INTS11: variants seen among roughly 807,000 people sequenced by gnomAD.
INTS11 encodes CPSF3-like protein.
INTS11 carries 77 observed loss-of-function variants against 78.6 expected under a neutral mutation model. That is an observed-to-expected ratio of 0.98 (90% CI 0.81 to 1.18). INTS11 has a LOEUF of 1.18. Among genes scored for constraint, INTS11 ranks in the 50% most tolerant of loss-of-function variants. The pLI, the probability that INTS11 is intolerant of heterozygous loss-of-function variation, is 0.00. For synonymous variants in INTS11, 441 were observed against 326.9 expected (o/e 1.35, Z -3.77); for missense variants, 875 against 825.9 (o/e 1.06, Z -0.73).
At chr1:1,320,860 C>T (rs2100629509) in intron 2 of INTS11, 136 bp downstream of exon 2, 1 of 871,606 alleles carries the variant, frequency 1.1e-6, no homozygotes, top group Middle Eastern at 2.1e-4. Context: ...CCACCCATCC[C>T]TGCTCCCCAC....
At position 1,312,213 on chromosome 1, in the gene INTS11, G is replaced by GCCCGGCGCCCCCCCCCCCCC; in HGVS notation, c.1607+12_1607+13insGGGGGGGGGGGGGCGCCGGG. ...CCCAAGGGAGTGGGGGGGGGGCGGG[G>GCCCGGCGCCCCCCCCCCCCC]CCGGGCGCCCACCTCTTGAGGTGGC... is the stretch of plus-strand genomic sequence containing the variant. On this transcript the variant is annotated intron_variant, in intron 15 of 16. Transcript: ENST00000435064. 1.1e-6 allele frequency: 1 copy of GCCCGGCGCCCCCCCCCCCCC among 934,630 alleles called. No individual in the cohort carries two copies. The highest frequency in any genetic ancestry group is 1.6e-6 in the Non-Finnish European group (1 of 636,678). 57.9% of individuals were successfully genotyped at this position (934,630 alleles called of 1,614,324 possible).
chr1:1,313,198 C>T (rs548248819), intron 10 of INTS11, 74 bp from the exon 11 acceptor site: 24 of 1,483,016 alleles, frequency 1.6e-5, no homozygotes, highest in African/African-American at 4.2e-5. Flanking sequence ...GGGATGCCCC[C>T]GCCTGAACCC....
In INTS11 at chr1:1,318,761, A is replaced by C. The variant is rs552908574; in HGVS notation, c.429+535T>G. ...ATACATAGGTACCTAATATAGTTTC[A>C]AGAAATATAAAAGCAATACCCAGAG... On this transcript the variant is annotated intron_variant, in intron 4 of 16. Coordinates refer to ENST00000435064, the MANE Select transcript of INTS11 (RefSeq NM_017871.6). 13 of 527,498 alleles carry C rather than the reference A, an allele frequency of 2.5e-5. No homozygotes were observed. In the South Asian group the frequency reaches 3.7e-4, roughly 15 times the overall value. The allele number at this position is 527,498 out of a possible 1,614,324, so 32.7% of individuals were successfully genotyped here.
intron 3 of INTS11, chr1:1,320,011 G>C (rs999830280): frequency 2.2e-4 from 26 of 116,864 alleles, no homozygotes; most frequent in Non-Finnish European, 8.4e-5. Flanking sequence ...CAGGCTTCAC[G>C]GGCCTGGCTG....
rs1183374575 is a variant in INTS11 at position 1,324,565 on chromosome 1, G to A, written c.28+16C>T. 1.3e-6 allele frequency: 2 copies of A among 1,590,046 alleles called. No homozygotes were observed. The highest frequency in any genetic ancestry group is 2.3e-5 in the South Asian group (2 of 88,546). Reference sequence around the variant, plus strand: ...ACGGAGCCCACCCCACAGCCCTCCCGGCGGCTCCCACTCACCCAAGGGCGT... The same window carrying A: ...ACGGAGCCCACCCCACAGCCCTCCCAGCGGCTCCCACTCACCCAAGGGCGT... On this transcript the variant is annotated intron_variant, in intron 1 of 16. Transcript: ENST00000435064.
intron 4 of INTS11, chr1:1,315,829 G>GGGGGCAGGGAGGGAGGC: frequency 3.4e-6 from 1 of 291,038 alleles, no homozygotes; most frequent in Admixed American, 5.4e-5. Flanking sequence ...TGAGGGGGGC[G>GGGGGCAGGGAGGGAGGC]GGGGCAGGGA....
Position 1,312,053 on chromosome 1 carries a change from C to G in INTS11, c.1702G>C (p.Gly568Arg). 6.4e-7 allele frequency: 1 copy of G among 1,573,602 alleles called. No homozygotes were observed. Among genetic ancestry groups the G allele is most frequent in the Middle Eastern group, 1.7e-4 (1 of 6,004 alleles). ...LQAAAPSEDP[G>R]TKVLLVSWTY... ...CAGGAGACCAGCAGCACCTTGGTGCCTGGGTCCTCAGAAGGGGCGGCGGCC... is the reference window on the plus strand; with the variant it reads ...CAGGAGACCAGCAGCACCTTGGTGCGTGGGTCCTCAGAAGGGGCGGCGGCC... Residue 568 changes from glycine to arginine, a missense_variant, in exon 16 of 17, where the codon GGC becomes CGC. Gly to Arg is a moderately radical substitution (Grantham distance 125). Transcript: ENST00000435064.
rs763116770 is a variant in INTS11 at position 1,314,267 on chromosome 1, G to A, written c.767+34C>T. ...CTGGACTGTGTTCAGGCCGGGCCAG[G>A]GGCTCCTTAAAGAGCCGTCCTGGCG... is the stretch of plus-strand genomic sequence containing the variant. On this transcript the variant is annotated intron_variant, in intron 8 of 16. Coordinates refer to ENST00000435064, the MANE Select transcript of INTS11 (RefSeq NM_017871.6). This position sits in a 1 kb window ranked among gnomAD's most constrained non-coding sequence, Gnocchi z 4.2. 1.5e-5 allele frequency: 24 copies of A among 1,557,642 alleles called. No individual in the cohort carries two copies. Among genetic ancestry groups the A allele is most frequent in the South Asian group, 2.4e-5 (2 of 85,046 alleles).
intron 1 of INTS11, chr1:1,322,106 G>A (rs1642981395): frequency 1.1e-5 from 6 of 566,412 alleles, no homozygotes; most frequent in African/African-American, 2.0e-5. Flanking sequence ...CCCAAGCCAC[G>A]CCAGGCTCAC....
At position 1,314,791 on chromosome 1, in the gene INTS11, G is replaced by A. The variant is rs1330185420; in HGVS notation, c.702+33C>T. 1.1e-5 allele frequency: 17 copies of A among 1,595,622 alleles called. No homozygotes were observed. Among genetic ancestry groups the A allele is most frequent in the African/African-American group, 6.7e-5 (5 of 74,776 alleles). On this transcript the variant is annotated intron_variant, in intron 7 of 16. Coordinates refer to ENST00000435064, the MANE Select transcript of INTS11 (RefSeq NM_017871.6). This position sits in a 1 kb window ranked among gnomAD's most constrained non-coding sequence, Gnocchi z 4.2. Reference sequence around the variant, plus strand: ...CCAGAAAGACCAGCCCAGCATGGCCGAGGGCCCATGTCCCCACCCCTGCTG... The same window carrying A: ...CCAGAAAGACCAGCCCAGCATGGCCAAGGGCCCATGTCCCCACCCCTGCTG...
chr1:1,323,400 A>G, intron 1 of INTS11: 4 of 1,200,254 alleles, frequency 3.3e-6, no homozygotes, highest in Non-Finnish European at 3.4e-6. Context: ...ATCGTTCTAT[A>G]CTGTTACGAC....
chr1:1,314,250 T>C lies in INTS11; in HGVS notation c.767+51A>G, dbSNP rs1405505458. The C allele has an allele frequency of 1.3e-6, 2 of 1,503,806 alleles. No individual in the cohort carries two copies. The highest frequency in any genetic ancestry group is 1.8e-6 in the Non-Finnish European group (2 of 1,103,122). The allele number at this position is 1,503,806 out of a possible 1,614,324, so 93.2% of individuals were successfully genotyped here. Reference sequence around the variant, plus strand: ...ACAGGGCTGCCCACCAACTGGACTGTGTTCAGGCCGGGCCAGGGGCTCCTT... The same window carrying C: ...ACAGGGCTGCCCACCAACTGGACTGCGTTCAGGCCGGGCCAGGGGCTCCTT... On this transcript the variant is annotated intron_variant, in intron 8 of 16. Transcript: ENST00000435064. The surrounding 1 kb of genome is among the most constrained non-coding windows in gnomAD (Gnocchi z 4.2).
chr1:1,313,392 A>C, intron 10 of INTS11, 117 bp downstream of exon 10: 7 of 1,180,302 alleles, frequency 5.9e-6, no homozygotes, highest in South Asian at 1.3e-5. Context: ...CAGCAGCAGC[A>C]GCCACGTCCC....
rs201688337 is a variant in INTS11 at position 1,312,246 on chromosome 1, G to A, written c.1587C>T (p.Arg529=). The change falls in exon 15 of 17, where the codon CGC becomes CGT. Residue 529 remains arginine, a synonymous_variant. Coordinates refer to ENST00000435064, the MANE Select transcript of INTS11 (RefSeq NM_017871.6). ...DTRKEQETAL[R]VYSHLKSVLK... is the part of the protein sequence containing the mutation. ...CCCACCTCTTGAGGTGGCTGTAGACGCGCAATGCCGTCTCCTGCTCCTTGC... is the reference window on the plus strand; with the variant it reads ...CCCACCTCTTGAGGTGGCTGTAGACACGCAATGCCGTCTCCTGCTCCTTGC... 2.4e-3 allele frequency: 3,758 copies of A among 1,534,260 alleles called. 13 individuals are homozygous for A. Among genetic ancestry groups the A allele is most frequent in the Non-Finnish European group, 2.9e-3 (3,260 of 1,136,774 alleles).
chr1:1,316,738 A>G (rs1298765660), intron 4 of INTS11: 2 of 152,000 alleles, frequency 1.3e-5, no homozygotes, highest in Non-Finnish European at 2.9e-5. Flanking sequence ...CAGCCTGACC[A>G]ACACGGAAAA....
In INTS11 at chr1:1,319,483, C is replaced by A; in HGVS notation, c.242G>T (p.Ser81Ile). Residue 81 changes from serine to isoleucine, a missense_variant, in exon 4 of 17, where the codon AGC (serine) becomes ATC (isoleucine). Coordinates refer to ENST00000435064, the MANE Select transcript of INTS11 (RefSeq NM_017871.6). The stretch of plus-strand genomic sequence containing the variant: ...GGGCCCGTCGTAGCCCACCATCTCG[C>A]TGAAGTAGGGGAGTGCCCCGCAGTG... The part of the protein sequence containing the change: ...LDHCGALPYF[S>I]EMVGYDGPIY... 6.2e-7 allele frequency: 1 copy of A among 1,604,464 alleles called. No homozygotes were observed. The highest frequency in any genetic ancestry group is 8.5e-7 in the Non-Finnish European group (1 of 1,174,874).
At chr1:1,317,137 C>A (rs986048210) in intron 4 of INTS11, 13 of 152,126 alleles carry the variant, frequency 8.5e-5, no homozygotes, top group African/African-American at 2.9e-4. Flanking sequence ...CTCTTGTAAT[C>A]CCAGCACTCT....
Position 1,314,745 on chromosome 1 carries a change from T to G in INTS11, c.702+79A>C, listed in dbSNP as rs567423953. ...CCCCCCACCCTGAGACCCTGACCCATGCCAAGGGCAGCCAAGCCTGCCAGA... is the reference window on the plus strand; with the variant it reads ...CCCCCCACCCTGAGACCCTGACCCAGGCCAAGGGCAGCCAAGCCTGCCAGA... On this transcript the variant is annotated intron_variant, in intron 7 of 16. Coordinates refer to ENST00000435064, the MANE Select transcript of INTS11 (RefSeq NM_017871.6). This position sits in a 1 kb window ranked among gnomAD's most constrained non-coding sequence, Gnocchi z 4.2. The G allele has an allele frequency of 6.5e-7, 1 of 1,529,028 alleles. No homozygotes were observed. The highest frequency in any genetic ancestry group is 1.2e-5 in the South Asian group (1 of 82,536). The allele number at this position is 1,529,028 out of a possible 1,614,324, so 94.7% of individuals were successfully genotyped here.
At chr1:1,317,490 G>A in intron 4 of INTS11, 1 of 970,128 alleles carries the variant, frequency 1.0e-6, no homozygotes, top group Non-Finnish European at 1.2e-6. Flanking sequence ...AGACACCAGA[G>A]GGAATATCCA....
Sources: allele counts gnomAD v4.1 joint callset, GRCh38; gene constraint gnomAD v4.1.1; non-coding constraint Gnocchi (gnomAD v3.1); transcripts MANE v1.5; gene names NCBI Gene and HGNC (gene_info 2026-07-23, HGNC 2026-07-21).